DHX29: variants seen among roughly 807,000 people sequenced by gnomAD.
The protein encoded by DHX29 is DExH-box helicase 29.
Under a neutral mutation model 167.9 loss-of-function variants are expected in DHX29, and 79 were observed. That is an observed-to-expected ratio of 0.47 (90% confidence interval 0.39 to 0.57). The LOEUF (loss-of-function observed/expected upper bound fraction) is 0.57. Among genes scored for constraint, DHX29 ranks in the 20% least tolerant of loss-of-function variants. The pLI, the probability that DHX29 is intolerant of heterozygous loss-of-function variation, is 0.00. For synonymous variants in DHX29, 530 were observed against 546.0 expected, an observed-to-expected ratio of 0.97 and a Z score of 0.41; for missense variants, 1,347 against 1,593.4, an observed-to-expected ratio of 0.85 and a Z score of 2.63.
chr5:55,270,520 T>G (rs1204820731), intron 19 of DHX29, 33 bp from the exon 20 acceptor site: 2 of 1,613,276 alleles, frequency 1.2e-6, no homozygotes, highest in Non-Finnish European at 1.7e-6. Flanking sequence ...ATACATATTA[T>G]CAGAAATGTC....
intron 11 of DHX29, 179 bp downstream of exon 11, chr5:55,283,024 A>G: frequency 3.8e-6 from 2 of 524,644 alleles, no homozygotes; most frequent in Non-Finnish European, 6.4e-6. Flanking sequence ...AATCCTTCTC[A>G]TAGGACAGTG....
intron 21 of DHX29, among the ~76,000 whole-genome samples, 170 bp downstream of exon 21, chr5:55,269,243 C>CAAAA (rs34353606): frequency 2.8e-5 from 2 of 72,670 alleles, no homozygotes; most frequent in African/African-American, 4.7e-5. Context: ...GACCCTGTCT[C>CAAAA]AAAAAAAAAA....
chr5:55,299,322 A>C (rs1748485400), intron 1 of DHX29, among the ~76,000 whole-genome samples: 1 of 152,214 alleles, frequency 6.6e-6, no homozygotes, highest in Admixed American at 6.5e-5. Flanking sequence ...TTGTTGGCAG[A>C]GTAGATGGAC....
chr5:55,282,606 G>A (rs1472999084), intron 11 of DHX29, among the ~76,000 whole-genome samples: 1 of 152,122 alleles, frequency 6.6e-6, no homozygotes, highest in African/African-American at 2.4e-5. Context: ...CTTGCAATTT[G>A]TCATATTTGG....
intron 6 of DHX29, 54 bp downstream of exon 6, chr5:55,293,963 A>T: frequency 6.4e-7 from 1 of 1,561,374 alleles, no homozygotes; most frequent in Non-Finnish European, 8.6e-7. Flanking sequence ...AGAAAAGGAA[A>T]TATATCTTGC....
chr5:55,307,545 G>C lies in DHX29; in HGVS notation c.29C>G (p.Ala10Gly). ...GGCCCGGACCACCGCGGCCGCTGGA[G>C]CCTTGTGTTTCTTGTTCTTGCCGCC... MGGKNKKHK[A>G]PAAAVVRAAV... Residue 10 changes from alanine (A) to glycine (G), a missense_variant, in exon 1 of 27, where the codon GCT becomes GGT. Coordinates refer to ENST00000251636, the MANE Select transcript of DHX29 (RefSeq NM_019030.4). 6.2e-7 allele frequency: 1 copy of C among 1,613,728 alleles called. No homozygotes were observed. Among genetic ancestry groups the C allele is most frequent in the Non-Finnish European group, 8.5e-7 (1 of 1,179,968 alleles).
chr5:55,282,983 A>G (rs1747511795), intron 11 of DHX29: 1 of 385,626 alleles, frequency 2.6e-6, no homozygotes, highest in Non-Finnish European at 4.6e-6. Flanking sequence ...TTTCTTTTAT[A>G]TGAGAATTTT....
chr5:55,262,822 T>C lies in DHX29; in HGVS notation c.3636A>G (p.Glu1212=). 1 of 1,614,114 alleles carries C rather than the reference T, an allele frequency of 6.2e-7. No individual in the cohort carries two copies. The highest frequency in any genetic ancestry group is 8.5e-7 in the Non-Finnish European group (1 of 1,179,996). The change falls in exon 24 of 27, where the codon GAA becomes GAG. Residue 1212 remains glutamate, a synonymous_variant. Coordinates refer to ENST00000251636, the MANE Select transcript of DHX29 (RefSeq NM_019030.4). ...CCAGTACAGCTTTAAGAAGGGCAAT[T>C]TCTTGGAATGAGAGGGTCTGTGAGG... ...NRASQTLSFQ[E]IALLKAVLVA...
intron 8 of DHX29, among the ~76,000 whole-genome samples, chr5:55,288,498 C>G (rs1475891208): frequency 6.6e-6 from 1 of 151,086 alleles, no homozygotes; most frequent in Non-Finnish European, 1.5e-5. Context: ...TTTTAGAAGA[C>G]CATTCAGTCT....
chr5:55,307,460 G>A lies in DHX29; in HGVS notation c.114C>T (p.Ser38=), dbSNP rs1388723301. The change falls in exon 1 of 27, where the codon AGC becomes AGT. Residue 38 remains serine (S), a synonymous_variant. Coordinates refer to ENST00000251636, the MANE Select transcript of DHX29 (RefSeq NM_019030.4). ...AEAGIAGEAQ[S]KKPVSRPATA... ...TGGCCGGCCTGGACACTGGCTTCTT[G>A]CTTTGGGCCTCCCCGGCAATTCCAG... 1.2e-6 allele frequency: 2 copies of A among 1,613,386 alleles called. No individual in the cohort carries two copies. The highest frequency in any genetic ancestry group is 3.3e-5 in the Admixed American group (2 of 60,014).
At position 55,285,684 on chromosome 5, in the gene DHX29, C is replaced by CAA; in HGVS notation, c.1232+10_1232+11dup. On this transcript the variant is annotated intron_variant, in intron 9 of 26. Transcript: ENST00000251636. Reference sequence around the variant, plus strand: ...TTCAGTTAATTAAAAACAACAACAACAAAAAACATACCTACATTTCCAGTA... The same window carrying CAA: ...TTCAGTTAATTAAAAACAACAACAACAAAAAAAACATACCTACATTTCCAGTA... 6.5e-6 allele frequency: 10 copies of CAA among 1,546,416 alleles called. No homozygotes were observed. Among genetic ancestry groups the CAA allele is most frequent in the Non-Finnish European group, 8.7e-6 (10 of 1,146,122 alleles).
intron 1 of DHX29, among the ~76,000 whole-genome samples, chr5:55,306,464 C>T (rs952247979): frequency 2.6e-5 from 4 of 152,112 alleles, no homozygotes; most frequent in African/African-American, 9.7e-5. Context: ...TTAGATTACC[C>T]TGTTAAACTG....
chr5:55,286,421 C>T (rs1293757382), intron 8 of DHX29, among the ~76,000 whole-genome samples: 1 of 152,110 alleles, frequency 6.6e-6, no homozygotes, highest in Non-Finnish European at 1.5e-5. Context: ...TGACACTATG[C>T]ATGTGATGAA....
chr5:55,295,175 G>A (rs1201649088), intron 5 of DHX29: 2 of 514,858 alleles, frequency 3.9e-6, no homozygotes, highest in Non-Finnish European at 6.8e-6. Flanking sequence ...AGAATCATGA[G>A]AAATAATAGT....
chr5:55,277,134 C>T lies in DHX29; in HGVS notation c.2258G>A (p.Arg753Lys), dbSNP rs1247326628. 6.2e-7 allele frequency: 1 copy of T among 1,610,160 alleles called. No homozygotes were observed. Among genetic ancestry groups the T allele is most frequent in the Non-Finnish European group, 8.5e-7 (1 of 1,178,672 alleles). Residue 753 changes from arginine to lysine, a missense_variant, in exon 13 of 27, where the codon AGA (arginine) becomes AAA (lysine). Physicochemically the swap from Arg to Lys is conservative, Grantham distance 26 (BLOSUM62 2). This residue lies in a region of DHX29 where 882 missense variants were observed against 1,082.4 expected (regional missense o/e 0.81). Coordinates refer to ENST00000251636, the MANE Select transcript of DHX29 (RefSeq NM_019030.4). ...AACAGGATAACTTCTTCCTGAAATT[C>T]TGAGAATGGGGCAGTGTGTGAAATA... is the stretch of plus-strand genomic sequence containing the variant. The part of the protein sequence containing the change: ...STYFTHCPIL[R>K]ISGRSYPVEV...
At chr5:55,283,105 T>A in intron 11 of DHX29, 98 bp downstream of exon 11, 1 of 1,373,348 alleles carries the variant, frequency 7.3e-7, no homozygotes, top group East Asian at 2.4e-5. Flanking sequence ...CCAATAGCAG[T>A]GAAAACTCAC....
rs750419507 is a variant in DHX29 at position 55,283,301 on chromosome 5, A to G, written c.1867T>C (p.Cys623Arg). ...LLLNEWEASK[C>R]NIVCTQPRRI... ...CGGGGTTGGGTACAGACAATGTTAC[A>G]TTTACTTGCTTCCCACTCATTTAGA... is the stretch of plus-strand genomic sequence containing the variant. The change falls in exon 11 of 27, where the codon TGT (cysteine) becomes CGT (arginine). Residue 623 changes from cysteine to arginine, a missense_variant. By Grantham distance (180) the Cys-to-Arg change is radical. Around this residue, in one of 3 missense-constraint regions of DHX29, gnomAD observed 882 missense variants for 1,082.4 expected, o/e 0.81. Transcript: ENST00000251636. The G allele has an allele frequency of 1.7e-5, 27 of 1,614,042 alleles. No homozygotes were observed. Among genetic ancestry groups the G allele is most frequent in the Non-Finnish European group, 2.3e-5 (27 of 1,180,010 alleles).
chr5:55,292,871 T>C (rs1284096851), intron 6 of DHX29, among the ~76,000 whole-genome samples: 2 of 152,152 alleles, frequency 1.3e-5, no homozygotes, highest in Non-Finnish European at 2.9e-5. Context: ...GACTTAATGC[T>C]CCAATCAGAA....
In DHX29 at chr5:55,297,676, T is replaced by A. The variant is rs538088621; in HGVS notation, c.262-278A>T. Among the ~76,000 whole-genome samples the A allele has an allele frequency of 1.3e-5, 2 of 152,218 alleles. 1 individual carries two copies. The highest frequency in any genetic ancestry group is 4.8e-5 in the African/African-American group (2 of 41,538). ...ACATTGTCCTTGGACCACCCTTGGGTTGCTGTCACAAAGATTCCTAAGTTC... is the reference window on the plus strand; with the variant it reads ...ACATTGTCCTTGGACCACCCTTGGGATGCTGTCACAAAGATTCCTAAGTTC... On this transcript the variant is annotated intron_variant, in intron 2 of 26. Transcript: ENST00000251636.
Sources: gnomAD v4.1 joint callset for allele counts (sites outside exome capture counted in the v4.1 genomes callset) on GRCh38, gnomAD v4.1.1 for gene constraint, gnomAD v4.1.1 regional missense constraint, MANE v1.5 for transcripts, NCBI Gene and HGNC (gene_info 2026-07-23, HGNC 2026-07-21) for gene names.